BSG: variants seen among roughly 807,000 people sequenced by gnomAD.
The protein encoded by BSG is basigin.
A neutral mutation model predicts 43.1 loss-of-function variants in BSG; 37 were observed. That is an observed-to-expected ratio of 0.86 (90% CI 0.66 to 1.13). BSG has a LOEUF of 1.13. Ranked by LOEUF, BSG falls within the 50% of genes most tolerant of loss-of-function variation. The pLI is 0.00. For synonymous variants in BSG, 309 were observed against 238.7 expected (o/e 1.29, Z -2.72); for missense variants, 599 against 554.2 (o/e 1.08, Z -0.81).
At chr19:579,137 C>T (rs1204611793) in intron 2 of BSG, 2 of 473,852 alleles carry the variant, frequency 4.2e-6, no homozygotes, top group East Asian at 1.3e-4. Flanking sequence ...TGGGTGGGTG[C>T]CTTGTCTGTC....
chr19:581,347 C>G lies in BSG; in HGVS notation c.825C>G (p.Phe275Leu), dbSNP rs371073966. 6.2e-7 allele frequency: 1 copy of G among 1,612,754 alleles called. No individual in the cohort carries two copies. Among genetic ancestry groups the G allele is most frequent in the Non-Finnish European group, 8.5e-7 (1 of 1,179,878 alleles). ...ALMNGSESRF[F>L]VSSSQGRSEL... ...TGAACGGCTCCGAGAGCAGGTTCTT[C>G]GTGAGTTCCTCGCAGGGCCGGTCAG... is the stretch of plus-strand genomic sequence containing the variant. Residue 275 changes from phenylalanine (F) to leucine (L), a missense_variant, in exon 6 of 9, where the codon TTC becomes TTG. Transcript: ENST00000333511.
rs774708014 is a variant in BSG at position 579,582 on chromosome 19, C to G, written c.498C>G (p.Val166=). The G allele has an allele frequency of 6.2e-7, 1 of 1,612,738 alleles. No individual in the cohort carries two copies. Among genetic ancestry groups the G allele is most frequent in the East Asian group, 2.2e-5 (1 of 44,878 alleles). Residue 166 remains valine (V), a synonymous_variant, in exon 3 of 9, where the codon GTC becomes GTG. Transcript: ENST00000333511. ...TCSLNDSATE[V]TGHRWLKGGV... ...CCTTGAATGACAGCGCCACAGAGGT[C>G]ACAGGGCACCGCTGGCTGAAGGGGG...
intron 2 of BSG, 107 bp downstream of exon 2, chr19:578,228 C>A: frequency 8.4e-7 from 1 of 1,192,618 alleles, no homozygotes; most frequent in Non-Finnish European, 1.1e-6. Context: ...CCTCTCCGTC[C>A]CGCTGTGCCC....
Position 577,981 on chromosome 19 carries a change from C to A in BSG, c.275C>A (p.Thr92Asn). ...HATYHQHAAS[T>N]ISIDTLVEED... ...ACCTACCACCAGCACGCGGCCAGCA[C>A]CATCTCCATCGACACGCTCGTGGAG... Residue 92 changes from threonine (T) to asparagine (N), a missense_variant, in exon 2 of 9, where the codon ACC (threonine) becomes AAC (asparagine). Transcript: ENST00000333511. 1 of 1,612,256 alleles carries A rather than the reference C, an allele frequency of 6.2e-7. No homozygotes were observed. Among genetic ancestry groups the A allele is most frequent in the African/African-American group, 1.3e-5 (1 of 75,034 alleles).
At chr19:578,314 C>A in intron 2 of BSG, 193 bp downstream of exon 2, 1 of 518,676 alleles carries the variant, frequency 1.9e-6, no homozygotes, top group Middle Eastern at 5.1e-4. Flanking sequence ...CAGCGCTGGG[C>A]GGCCTGGCTC....
chr19:578,055 A>G lies in BSG; in HGVS notation c.349A>G (p.Asn117Asp). The G allele has an allele frequency of 1.2e-6, 2 of 1,610,842 alleles. No homozygotes were observed. The highest frequency in any genetic ancestry group is 1.7e-6 in the Non-Finnish European group (2 of 1,178,984). ...CCGGGCCAGCAACGACCCGGATCGCAACCACCTGACCCGGGCGCCCAGGGT... is the reference window on the plus strand; with the variant it reads ...CCGGGCCAGCAACGACCCGGATCGCGACCACCTGACCCGGGCGCCCAGGGT... Reference protein sequence around the residue: ...ECRASNDPDRNHLTRAPRVKW... With the variant: ...ECRASNDPDRDHLTRAPRVKW... Residue 117 changes from asparagine to aspartate, a missense_variant, in exon 2 of 9, where the codon AAC (asparagine) becomes GAC (aspartate). Coordinates refer to ENST00000333511, the MANE Select transcript of BSG (RefSeq NM_001728.4).
intron 1 of BSG, among the ~76,000 whole-genome samples, chr19:575,809 G>A (rs910452711): frequency 3.3e-5 from 5 of 152,088 alleles, no homozygotes; most frequent in Non-Finnish European, 7.4e-5. Flanking sequence ...GTGGCCGAGG[G>A]TCAGGCGCCG....
At chr19:573,538 G>A (rs1981482764) in intron 1 of BSG, among the ~76,000 whole-genome samples, 1 of 152,202 alleles carries the variant, frequency 6.6e-6, no homozygotes, top group African/African-American at 2.4e-5. Flanking sequence ...TGTTCTCCCA[G>A]ACTCTTAAGA....
rs765081690 is a variant in BSG, at chr19:581,491, C to T, written c.969C>T (p.Ala323=). ...IITLRVRSHL[A]ALWPFLGIVA... ...CGCTCCGCGTGCGCAGCCACCTGGC[C>T]GCCCTCTGGCCCTTCCTGGGCATCG... The change falls in exon 6 of 9, where the codon GCC becomes GCT. Residue 323 remains alanine (A), a synonymous_variant. Transcript: ENST00000333511. 11 of 1,600,882 alleles carry T rather than the reference C, an allele frequency of 6.9e-6. No individual in the cohort carries two copies. The highest frequency in any genetic ancestry group is 6.8e-5 in the East Asian group (3 of 44,026).
chr19:574,497 G>A (rs1034019482), intron 1 of BSG, among the ~76,000 whole-genome samples: 1 of 152,004 alleles, frequency 6.6e-6, no homozygotes. Flanking sequence ...AGCTTGCAGT[G>A]AGCCGAGATC....
chr19:573,189 AG>A (rs1040256983), intron 1 of BSG, among the ~76,000 whole-genome samples: 5 of 152,150 alleles, frequency 3.3e-5, no homozygotes, highest in African/African-American at 1.2e-4. Context: ...GCCTGGAGCC[AG>A]GGGTCAGGGG....
Position 580,668 on chromosome 19 carries a change from G to A in BSG, c.678G>A (p.Val226=). The change falls in exon 5 of 9, where the codon GTG becomes GTA. Residue 226 remains valine, a synonymous_variant. Transcript: ENST00000333511. ...CAGGGCCTCCCAGAGTGAAGGCTGTGAAGTCGTCAGAACACATCAACGAGG... is the reference window on the plus strand; with the variant it reads ...CAGGGCCTCCCAGAGTGAAGGCTGTAAAGTCGTCAGAACACATCAACGAGG... ...QLHGPPRVKA[V]KSSEHINEGE... is the part of the protein sequence containing the mutation. The A allele has an allele frequency of 1.2e-6, 2 of 1,612,838 alleles. No individual in the cohort carries two copies. The highest frequency in any genetic ancestry group is 1.7e-6 in the Non-Finnish European group (2 of 1,179,962).
At chr19:574,459 A>G (rs751124137) in intron 1 of BSG, among the ~76,000 whole-genome samples, 11 of 152,106 alleles carry the variant, frequency 7.2e-5, no homozygotes, top group Non-Finnish European at 1.3e-4. Flanking sequence ...AGTCTGAGGC[A>G]GGAGAATGGT....
In BSG at chr19:572,691, CT is replaced by C; in HGVS notation, c.58del (p.Ser20ProfsTer100). The C allele has an allele frequency of 6.7e-7, 1 of 1,486,884 alleles. No individual in the cohort carries two copies. The highest frequency in any genetic ancestry group is 9.0e-7 in the Non-Finnish European group (1 of 1,113,746). 92.1% of individuals were successfully genotyped at this position (1,486,884 alleles called of 1,614,324 possible). A position where few individuals can be genotyped will look rare whatever the true frequency, so the allele number is the denominator to read the frequency against. ...TCGCGCTGCTGGGCACCCACGGAGC[CT>C]CCGGGGCTGGTGAGGAGCGGGTAGG... ...GFALLGTHGA[S>X]GAAGFVQAPL... On this transcript the variant is annotated frameshift_variant, in exon 1 of 9. Coordinates refer to ENST00000333511, the MANE Select transcript of BSG (RefSeq NM_001728.4). LOFTEE classifies it high-confidence loss of function.
chr19:578,272 A>T, intron 2 of BSG, 151 bp downstream of exon 2: 1 of 812,932 alleles, frequency 1.2e-6, no homozygotes, highest in Non-Finnish European at 1.8e-6. Context: ...AGGGGCCCGG[A>T]CCTGAAGGGG....
rs527607507 is a variant in BSG, at chr19:582,835, T to A, written c.*91T>A. ...TTGCAAGATTCCAAGTTCTCACCTC[T>A]TAAAGAAAACCCACCCCGTAGATTC... On this transcript the variant is annotated 3_prime_UTR_variant, in exon 9 of 9. Transcript: ENST00000333511. 58 of 555,096 alleles carry A rather than the reference T, an allele frequency of 1.0e-4. No individual in the cohort carries two copies. Among genetic ancestry groups the A allele is most frequent in the African/African-American group, 1.0e-3 (55 of 52,730 alleles). The allele number at this position is 555,096 out of a possible 1,614,324, so 34.4% of individuals were successfully genotyped here. A position where few individuals can be genotyped will look rare whatever the true frequency, so the allele number is the denominator to read the frequency against.
chr19:576,589 G>A lies in BSG; in HGVS notation c.68-1185G>A, dbSNP rs536730099. Among the ~76,000 whole-genome samples the A allele has an allele frequency of 1.6e-4, 25 of 152,252 alleles. No homozygotes were observed. In the East Asian group the frequency reaches 4.6e-3, roughly 28 times the overall value. ...AGCCTGGCCAAAATGGTGAAACCCCGTCTCTACTAAAAATACAAAATATTA... is the reference window on the plus strand; with the variant it reads ...AGCCTGGCCAAAATGGTGAAACCCCATCTCTACTAAAAATACAAAATATTA... On this transcript the variant is annotated intron_variant, in intron 1 of 8. Transcript: ENST00000333511.
chr19:578,224 C>T (rs368481272), intron 2 of BSG, 103 bp downstream of exon 2: 183 of 1,214,854 alleles, frequency 1.5e-4, no homozygotes, highest in South Asian at 6.5e-4. Flanking sequence ...CTCCCCTCTC[C>T]GTCCCGCTGT....
rs917447302 is a variant in BSG at position 577,740 on chromosome 19, C to T, written c.68-34C>T. ...GAGCTGCCCTCCCAAGTGCCCCAGG[C>T]ACTAACAAGACCCCACGCGTGCTCT... is the stretch of plus-strand genomic sequence containing the variant. On this transcript the variant is annotated intron_variant, in intron 1 of 8. Transcript: ENST00000333511. The T allele has an allele frequency of 6.1e-5, 82 of 1,347,362 alleles. No individual in the cohort carries two copies. In the Middle Eastern group the frequency reaches 7.6e-4, roughly 13 times the overall value. The allele number at this position is 1,347,362 out of a possible 1,614,324, so 83.5% of individuals were successfully genotyped here. A position where few individuals can be genotyped will look rare whatever the true frequency, so the allele number is the denominator to read the frequency against.
Sources: allele counts gnomAD v4.1 joint callset (sites outside exome capture counted in the v4.1 genomes callset), GRCh38; gene constraint gnomAD v4.1.1; transcripts MANE v1.5; gene names NCBI Gene and HGNC (gene_info 2026-07-23, HGNC 2026-07-21).